The following MPP1 variants were observed in gnomAD, a reference collection of about 807,000 sequenced individuals.
MPP1 encodes the protein 55 kDa erythrocyte membrane protein.
A neutral mutation model predicts 38.2 loss-of-function variants in MPP1; 6 were observed. The observed-to-expected ratio is 0.16, with a 90% CI of 0.09 to 0.31. MPP1 has a LOEUF of 0.31. Ranked by LOEUF, MPP1 falls within the 10% of genes least tolerant of loss-of-function variation. The pLI is 1.00. For missense variants in MPP1, 293 were observed against 368.9 expected (o/e 0.79, Z 1.69); for synonymous variants, 153 against 146.3 (o/e 1.05, Z -0.33).
At chrX:154,797,356 C>T (rs1376291860) in intron 1 of MPP1, among the ~76,000 whole-genome samples, 1 of 111,718 alleles carries the variant, frequency 9.0e-6, no homozygotes, top group African/African-American at 3.3e-5. Flanking sequence ...GGTACAGACC[C>T]ATGAAAAGCT....
chrX:154,779,697 A>T (rs1211680557), intron 11 of MPP1, among the ~76,000 whole-genome samples: 1 of 112,094 alleles, frequency 8.9e-6, no homozygotes, highest in Non-Finnish European at 1.9e-5. Flanking sequence ...TGCAATCCTA[A>T]AACGAAGATA....
At position 154,791,850 on chromosome X, in the gene MPP1, G is replaced by C; in HGVS notation, c.247-3C>G. 1 of 1,200,177 alleles carries C rather than the reference G, an allele frequency of 8.3e-7. No homozygotes were observed. The highest frequency in any genetic ancestry group is 1.1e-6 in the Non-Finnish European group (1 of 885,548). Reference sequence around the variant, plus strand: ...TCATTCAGCTTCAGCGTGATTCCCTGAAATAAAGGCGACGGCACAATAAGC... The same window carrying C: ...TCATTCAGCTTCAGCGTGATTCCCTCAAATAAAGGCGACGGCACAATAAGC... On this transcript the variant is annotated splice_polypyrimidine_tract_variant and splice_region_variant and intron_variant, in intron 2 of 11. Transcript: ENST00000369534.
At chrX:154,796,977 G>A (rs1301325330) in intron 1 of MPP1, among the ~76,000 whole-genome samples, 3 of 111,982 alleles carry the variant, frequency 2.7e-5, no homozygotes, top group East Asian at 2.8e-4. Flanking sequence ...GAGCCCAGGA[G>A]GTCAAGGCTG....
chrX:154,793,100 G>A (rs1603430177), intron 1 of MPP1, among the ~76,000 whole-genome samples: 1 of 111,966 alleles, frequency 8.9e-6, no homozygotes, highest in South Asian at 3.7e-4. Flanking sequence ...AAAATGGTCT[G>A]CACGATAAAT....
intron 1 of MPP1, among the ~76,000 whole-genome samples, chrX:154,803,359 A>T (rs1433376897): frequency 8.9e-6 from 1 of 112,577 alleles, no homozygotes; most frequent in Non-Finnish European, 1.9e-5. Flanking sequence ...GATCTTCTTC[A>T]AATCCGTTAG....
chrX:154,792,490 C>A, intron 1 of MPP1: 6 of 398,702 alleles, frequency 1.5e-5, no homozygotes, highest in Non-Finnish European at 2.1e-5. Flanking sequence ...GTGGTGTGCA[C>A]CTGTAGTCCC....
At chrX:154,786,784 T>C (rs1395656826) in intron 5 of MPP1, among the ~76,000 whole-genome samples, 1 of 105,520 alleles carries the variant, frequency 9.5e-6, no homozygotes, top group Non-Finnish European at 1.9e-5. Context: ...TAGTCCCAGC[T>C]ACTCGGGAGG....
At chrX:154,804,936 C>A in intron 1 of MPP1, 1 of 377,211 alleles carries the variant, frequency 2.7e-6, no homozygotes, top group Admixed American at 3.4e-5. Flanking sequence ...GGCAGACCTA[C>A]TCCTTGATGT....
intron 10 of MPP1, 31 bp downstream of exon 10, chrX:154,781,569 C>T (rs1380370262): frequency 8.4e-7 from 1 of 1,188,502 alleles, no homozygotes. Context: ...TGGCTGAGCC[C>T]ATCTGTCCCT....
At chrX:154,786,952 G>A (rs1013563224) in intron 5 of MPP1, among the ~76,000 whole-genome samples, 43 of 104,035 alleles carry the variant, frequency 4.1e-4, no homozygotes, top group African/African-American at 1.2e-3. Flanking sequence ...CCACGTCAAC[G>A]TGTCCACAGT....
chrX:154,795,884 C>A (rs2072190834), intron 1 of MPP1, among the ~76,000 whole-genome samples: 2 of 112,107 alleles, frequency 1.8e-5, no homozygotes, highest in South Asian at 7.4e-4. Flanking sequence ...AAATTGTTTT[C>A]ACTGTGTATC....
In MPP1 at chrX:154,779,120, G is replaced by A. The variant is rs782545011; in HGVS notation, c.*57C>T. On this transcript the variant is annotated 3_prime_UTR_variant, in exon 12 of 12. Coordinates refer to ENST00000369534, the MANE Select transcript of MPP1 (RefSeq NM_002436.4). Reference sequence around the variant, plus strand: ...AGCCCTGTTTGTCTTAAAGCAAGGCGGGTGGAATTCCAAATGCTGGAGAGG... The same window carrying A: ...AGCCCTGTTTGTCTTAAAGCAAGGCAGGTGGAATTCCAAATGCTGGAGAGG... 53 of 1,113,448 alleles carry A rather than the reference G, an allele frequency of 4.8e-5. No individual in the cohort carries two copies. The highest frequency in any genetic ancestry group is 5.8e-4 in the Middle Eastern group (2 of 3,457). The allele number at this position is 1,113,448 out of a possible 1,213,427, so 91.8% of individuals were successfully genotyped here. A position where few individuals can be genotyped will look rare whatever the true frequency, so the allele number is the denominator to read the frequency against.
rs958789589 is a variant in MPP1 at position 154,801,682 on chromosome X, C to G, written c.102+3590G>C. Among the ~76,000 whole-genome samples the G allele has an allele frequency of 3.2e-5, 3 of 94,622 alleles. No individual in the cohort carries two copies. In the East Asian group the frequency reaches 1.1e-3, roughly 34 times the overall value. The allele number at this position is 94,622 out of a possible 115,157, so 82.2% of individuals were successfully genotyped here. A position where few individuals can be genotyped will look rare whatever the true frequency, so the allele number is the denominator to read the frequency against. On this transcript the variant is annotated intron_variant, in intron 1 of 11. Coordinates refer to ENST00000369534, the MANE Select transcript of MPP1 (RefSeq NM_002436.4). Reference sequence around the variant, plus strand: ...ACTGAGGCAGGAGAATCGCTTGAACCTAGGAGGCAGAGGTTGCAGTGAGCC... The same window carrying G: ...ACTGAGGCAGGAGAATCGCTTGAACGTAGGAGGCAGAGGTTGCAGTGAGCC...
chrX:154,801,918 G>C (rs1603430398), intron 1 of MPP1, among the ~76,000 whole-genome samples: 1 of 110,740 alleles, frequency 9.0e-6, no homozygotes, highest in Non-Finnish European at 1.9e-5. Flanking sequence ...TTACTTTCTA[G>C]TATCAGTTCT....
At chrX:154,790,683 G>A (rs957013918) in intron 4 of MPP1, among the ~76,000 whole-genome samples, 3 of 111,806 alleles carry the variant, frequency 2.7e-5, no homozygotes, top group Non-Finnish European at 3.8e-5. Context: ...GCATACATAT[G>A]TATTGTTTGT....
intron 6 of MPP1, 124 bp downstream of exon 6, chrX:154,786,080 G>GCCA: frequency 9.0e-6 from 5 of 556,367 alleles, no homozygotes. Context: ...CACCCATTAT[G>GCCA]CCAGGAAATC....
chrX:154,785,242 C>T (rs782274675), intron 6 of MPP1, 85 bp from the exon 7 acceptor site: 1 of 666,186 alleles, frequency 1.5e-6, no homozygotes, highest in African/African-American at 2.3e-5. Context: ...AATGGCACCC[C>T]CTTCACTCTC....
At position 154,783,624 on chromosome X, in the gene MPP1, A is replaced by G. The variant is rs896238801; in HGVS notation, c.866-117T>C. 8.2e-5 allele frequency: 49 copies of G among 594,723 alleles called. No individual in the cohort carries two copies. The Admixed American group carries it at 1.4e-3, about 17-fold the overall frequency. The allele number at this position is 594,723 out of a possible 1,213,427, so 49.0% of individuals were successfully genotyped here. A position where few individuals can be genotyped will look rare whatever the true frequency, so the allele number is the denominator to read the frequency against. ...ACAGGTGAACATGAGTTGGGGTTGC[A>G]TCTGGGCTGGGGTCAACTCTAAAGA... On this transcript the variant is annotated intron_variant, in intron 8 of 11. Coordinates refer to ENST00000369534, the MANE Select transcript of MPP1 (RefSeq NM_002436.4).
In MPP1 at chrX:154,779,342, C is replaced by T; in HGVS notation, c.1236G>A (p.Leu412=). ...PTDQGTQTEA[L]QQLQKDSEAI... The stretch of plus-strand genomic sequence containing the variant: ...CCTCAGAGTCCTTCTGCAGCTGCTG[C>T]AGGGCTTCTGTCTGCAAAGAAGAAA... The change falls in exon 12 of 12, where the codon CTG becomes CTA. Residue 412 remains leucine, a synonymous_variant. Coordinates refer to ENST00000369534, the MANE Select transcript of MPP1 (RefSeq NM_002436.4). 8.3e-7 allele frequency: 1 copy of T among 1,208,000 alleles called. No individual in the cohort carries two copies. Among genetic ancestry groups the T allele is most frequent in the Non-Finnish European group, 1.1e-6 (1 of 894,029 alleles).
Sources: gnomAD v4.1 joint callset for allele counts (sites outside exome capture counted in the v4.1 genomes callset) on GRCh38, gnomAD v4.1.1 for gene constraint, MANE v1.5 for transcripts, NCBI Gene and HGNC (gene_info 2026-07-23, HGNC 2026-07-21) for gene names.